The following UGT1A4 variants were observed in gnomAD, a reference collection of about 807,000 sequenced individuals.
UGT1A4 encodes UDP-glucuronosyltransferase 1A4.
Under a neutral mutation model 41.1 loss-of-function variants are expected in UGT1A4, and 32 were observed. That is an observed-to-expected ratio of 0.78 (90% CI 0.59 to 1.05). UGT1A4 has a LOEUF of 1.05. UGT1A4 is among the 50% of genes least tolerant of loss of function. The probability of loss-of-function intolerance (pLI) is 0.00; values close to 1 mark genes in which losing one functional copy is unlikely to be tolerated. For missense variants in UGT1A4, 748 were observed against 677.4 expected, an observed-to-expected ratio of 1.10 and a Z score of -1.16; for synonymous variants, 283 against 265.1, an observed-to-expected ratio of 1.07 and a Z score of -0.66.
chr2:233,738,734 C>G (rs1273987564), intron 1 of UGT1A4, among the ~76,000 whole-genome samples: 1 of 152,148 alleles, frequency 6.6e-6, no homozygotes, highest in Non-Finnish European at 1.5e-5. Context: ...AAATTTGCAG[C>G]CTGACCATGT....
intron 1 of UGT1A4, chr2:233,730,090 C>G: frequency 6.3e-7 from 1 of 1,596,074 alleles, no homozygotes; most frequent in Admixed American, 1.7e-5. Flanking sequence ...ACTTATCTTT[C>G]CAAATATTTC....
intron 1 of UGT1A4, chr2:233,748,089 C>G (rs17863798): frequency 2.3e-5 from 37 of 1,612,724 alleles, no homozygotes; most frequent in Non-Finnish European, 2.8e-5. Flanking sequence ...GGTCGGTGTT[C>G]GTGCCTTCAT....
At chr2:233,762,567 G>A (rs1279617671) in intron 1 of UGT1A4, among the ~76,000 whole-genome samples, 2 of 152,176 alleles carry the variant, frequency 1.3e-5, no homozygotes, top group Non-Finnish European at 2.9e-5. Flanking sequence ...ATCTAGTCTA[G>A]TTCCCCACAG....
rs1700541312 is a variant in UGT1A4 at position 233,772,678 on chromosome 2, A to T, written c.*119A>T. On this transcript the variant is annotated 3_prime_UTR_variant, in exon 5 of 5. Transcript: ENST00000373409. ...TTAAGGAAATACTTTGCATAAATTA[A>T]TCAGCCCCAGAGTGCTTTAAAAAAT... The T allele has an allele frequency of 6.5e-7, 1 of 1,531,784 alleles. No homozygotes were observed. The highest frequency in any genetic ancestry group is 1.4e-5 in the African/African-American group (1 of 72,498). 94.9% of individuals were successfully genotyped at this position (1,531,784 alleles called of 1,614,324 possible).
intron 2 of UGT1A4, 51 bp from the exon 3 acceptor site, chr2:233,767,798 C>G (rs1319499928): frequency 6.2e-7 from 1 of 1,614,062 alleles, no homozygotes; most frequent in Admixed American, 1.7e-5. Context: ...GATTTGTTTT[C>G]TAATCATATT....
At chr2:233,724,345 C>CCT in intron 1 of UGT1A4, among the ~76,000 whole-genome samples, 1 of 147,952 alleles carries the variant, frequency 6.8e-6, no homozygotes, top group African/African-American at 2.5e-5. Flanking sequence ...GGCTGACCCC[C>CCT]CCCACCTCCC....
intron 1 of UGT1A4, among the ~76,000 whole-genome samples, chr2:233,758,576 G>A (rs1696917059): frequency 6.6e-6 from 1 of 152,184 alleles, no homozygotes; most frequent in Admixed American, 6.5e-5. Context: ...AAAAAATGAA[G>A]AGTGTTTGGG....
rs369738416 is a variant in UGT1A4 at position 233,718,805 on chromosome 2, G to C, written c.-16G>C. Reference sequence around the variant, plus strand: ...AGCGTGGGGTGGACAGTCAGCTGTCGGTGGCTTCTGCTGAGATGGCCAGAG... The same window carrying C: ...AGCGTGGGGTGGACAGTCAGCTGTCCGTGGCTTCTGCTGAGATGGCCAGAG... On this transcript the variant is annotated 5_prime_UTR_variant, in exon 1 of 5. Transcript: ENST00000373409. 47 of 1,613,298 alleles carry C rather than the reference G, an allele frequency of 2.9e-5. 1 individual carries two copies. Among genetic ancestry groups the C allele is most frequent in the African/African-American group, 1.3e-4 (10 of 75,040 alleles).
Position 233,772,351 on chromosome 2 carries a change from T to C in UGT1A4, c.1397T>C (p.Val466Ala). 1 of 1,614,248 alleles carries C rather than the reference T, an allele frequency of 6.2e-7. No individual in the cohort carries two copies. The change falls in exon 5 of 5, where the codon GTG becomes GCG. Residue 466 changes from valine (V) to alanine (A), a missense_variant. Transcript: ENST00000373409. ...CTGGCCGTGTTCTGGGTGGAGTTTG[T>C]GATGAGGCACAAGGGCGCGCCACAC... ...LDLAVFWVEF[V>A]MRHKGAPHLR...
At chr2:233,726,040 C>A (rs906060755) in intron 1 of UGT1A4, among the ~76,000 whole-genome samples, 3 of 152,112 alleles carry the variant, frequency 2.0e-5, no homozygotes, top group Non-Finnish European at 4.4e-5. Flanking sequence ...ATGGCGCACA[C>A]CTGTGGTCCC....
In UGT1A4 at chr2:233,725,323, G is replaced by T. The variant is rs1370271039; in HGVS notation, c.867+5636G>T. Among the ~76,000 whole-genome samples the T allele has an allele frequency of 2.0e-5, 2 of 97,652 alleles. 1 individual carries two copies. The highest frequency in any genetic ancestry group is 4.3e-5 in the Non-Finnish European group (2 of 46,066). 64.1% of individuals were successfully genotyped at this position (97,652 alleles called of 152,430 possible). The stretch of plus-strand genomic sequence containing the variant: ...GCAGAGGCAGAGGCAGAGGCGCCTG[G>T]TCAACAATCTTAAGTCCAATAAGAA... On this transcript the variant is annotated intron_variant, in intron 1 of 4. Transcript: ENST00000373409.
At chr2:233,768,733 C>T (rs748503352) in intron 4 of UGT1A4, among the ~76,000 whole-genome samples, 3 of 151,708 alleles carry the variant, frequency 2.0e-5, no homozygotes, top group Admixed American at 6.6e-5. Context: ...CAGGTGTCCA[C>T]CACCACGCCC....
chr2:233,748,222 C>T (rs1693896902), intron 1 of UGT1A4: 2 of 1,443,838 alleles, frequency 1.4e-6, no homozygotes, highest in Non-Finnish European at 1.9e-6. Flanking sequence ...GTGAGATAAA[C>T]TGTTAAGGGG....
At chr2:233,743,484 G>T (rs773869804) in intron 1 of UGT1A4, 2 of 1,367,080 alleles carry the variant, frequency 1.5e-6, no homozygotes, top group Non-Finnish European at 2.0e-6. Flanking sequence ...GAAATTCACT[G>T]AAGGCAGAGA....
At chr2:233,724,652 A>G (rs1267696968) in intron 1 of UGT1A4, among the ~76,000 whole-genome samples, 1 of 140,816 alleles carries the variant, frequency 7.1e-6, no homozygotes, top group Non-Finnish European at 1.5e-5. Flanking sequence ...GCGGCTGGGA[A>G]GAGGCGCTCC....
chr2:233,727,225 C>G (rs1417750017), intron 1 of UGT1A4, among the ~76,000 whole-genome samples: 1 of 152,168 alleles, frequency 6.6e-6, no homozygotes, highest in Non-Finnish European at 1.5e-5. Context: ...TCCACATATG[C>G]GGATGGCTCC....
chr2:233,755,459 T>A (rs1367046072), intron 1 of UGT1A4: 1 of 283,420 alleles, frequency 3.5e-6, no homozygotes, highest in Non-Finnish European at 6.9e-6. Flanking sequence ...GGACTGGCCC[T>A]GCTCTCTGTG....
At chr2:233,722,580 G>A (rs764999406) in intron 1 of UGT1A4, among the ~76,000 whole-genome samples, 2 of 152,194 alleles carry the variant, frequency 1.3e-5, no homozygotes, top group African/African-American at 2.4e-5. Context: ...TTGCAACTTC[G>A]TTAGAGGACT....
Position 233,728,224 on chromosome 2 carries a change from T to A in UGT1A4, c.867+8537T>A, listed in dbSNP as rs556375037. Among the ~76,000 whole-genome samples, 261 of 152,314 alleles carry A rather than the reference T, an allele frequency of 1.7e-3. 4 individuals are homozygous for A. The highest frequency in any genetic ancestry group is 5.7e-4 in the Non-Finnish European group (39 of 68,034). On this transcript the variant is annotated intron_variant, in intron 1 of 4. Coordinates refer to ENST00000373409, the MANE Select transcript of UGT1A4 (RefSeq NM_007120.3). ...GACTTGGAGAAGAGCCTGACCATAA[T>A]CTTCAGGATGAAATAAAGGCCTGGA...
Sources: allele counts gnomAD v4.1 joint callset (sites outside exome capture counted in the v4.1 genomes callset), GRCh38; gene constraint gnomAD v4.1.1; transcripts MANE v1.5; gene names NCBI Gene and HGNC (gene_info 2026-07-23, HGNC 2026-07-21).